TNFAIP8: variants seen among roughly 807,000 people sequenced by gnomAD.
The protein encoded by TNFAIP8 is TNF alpha induced protein 8, also known as tumor necrosis factor alpha-induced protein 8.
TNFAIP8 carries 7 observed loss-of-function variants against 13.3 expected under a neutral mutation model. The ratio of observed to expected loss-of-function variants is 0.52; its 90% CI spans 0.30 to 0.99. The LOEUF is 0.99. TNFAIP8 is among the 50% of genes least tolerant of loss of function. TNFAIP8 has a pLI of 0.07. For missense variants in TNFAIP8, 258 were observed against 236.9 expected (o/e 1.09, Z -0.58); for synonymous variants, 94 against 87.6 (o/e 1.07, Z -0.41).
At position 119,308,645 on chromosome 5, in the gene TNFAIP8, A is replaced by T. The variant is rs932607967; in HGVS notation, c.1+39738A>T. Among the ~76,000 whole-genome samples the T allele has an allele frequency of 1.2e-4, 18 of 151,724 alleles. 1 individual carries two copies. The highest frequency in any genetic ancestry group is 2.9e-4 in the African/African-American group (12 of 41,268). On this transcript the variant is annotated intron_variant, in intron 1 of 1. Coordinates refer to the TNFAIP8 transcript ENST00000274456. ...TTTGGGAGGCCGAGGCGGGTAGATCACGAGGTCAGGAGTTGAAGACCAGCC... is the reference window on the plus strand; with the variant it reads ...TTTGGGAGGCCGAGGCGGGTAGATCTCGAGGTCAGGAGTTGAAGACCAGCC...
chr5:119,360,630 G>A (rs1006885460), intron 1 of TNFAIP8, among the ~76,000 whole-genome samples: 9 of 152,170 alleles, frequency 5.9e-5, no homozygotes, highest in Admixed American at 5.2e-4. Flanking sequence ...GGCCCAGCAA[G>A]GTGATTGCCA....
rs117285896 is a variant in TNFAIP8, at chr5:119,304,576, C to G, written c.1+35669C>G. Among the ~76,000 whole-genome samples, 169 of 152,302 alleles carry G rather than the reference C, an allele frequency of 1.1e-3. 2 individuals carry two copies. In the East Asian group the frequency reaches 0.031, roughly 28 times the overall value. On this transcript the variant is annotated intron_variant, in intron 1 of 1. Coordinates refer to the TNFAIP8 transcript ENST00000274456. ...CTTAAAACTTGCACCTTAGAATTAC[C>G]TGAATATGATGCCTAGTCCTCACAG...
chr5:119,392,718 TGAG>T, intron 1 of TNFAIP8, 95 bp from the exon 2 acceptor site: 2 of 1,325,980 alleles, frequency 1.5e-6, no homozygotes, highest in Non-Finnish European at 2.0e-6. Context: ...GGTGGGAAAA[TGAG>T]GAAAAAAAGT....
intron 1 of TNFAIP8, among the ~76,000 whole-genome samples, chr5:119,374,140 G>A (rs941691441): frequency 2.0e-5 from 3 of 151,832 alleles, no homozygotes; most frequent in African/African-American, 4.8e-5. Context: ...TAAAATACAG[G>A]TAGCGTATCG....
chr5:119,269,453 T>C (rs1175849924), intron 1 of TNFAIP8, among the ~76,000 whole-genome samples: 1 of 151,746 alleles, frequency 6.6e-6, no homozygotes, highest in Non-Finnish European at 1.5e-5. Flanking sequence ...TGTGTGTGTA[T>C]GTGTGTGTGT....
intron 1 of TNFAIP8, among the ~76,000 whole-genome samples, chr5:119,379,088 G>A (rs1388527215): frequency 2.0e-5 from 3 of 152,256 alleles, no homozygotes; most frequent in Admixed American, 6.5e-5. Flanking sequence ...ACAAAAGATA[G>A]TTTGTATCCA....
At chr5:119,370,083 GC>G (rs33995878) in intron 1 of TNFAIP8, among the ~76,000 whole-genome samples, 1,773 of 152,226 alleles carry the variant, frequency 0.012, 33 homozygotes, top group African/African-American at 0.039. Flanking sequence ...TGTTTGAAAT[GC>G]CTGCTTTTCT....
At chr5:119,372,063 G>C (rs1752095970) in intron 1 of TNFAIP8, among the ~76,000 whole-genome samples, 1 of 151,972 alleles carries the variant, frequency 6.6e-6, no homozygotes. Context: ...CGTGAACCCG[G>C]GAGGCGGAGC....
At chr5:119,301,909 G>A (rs779767530) in intron 1 of TNFAIP8, among the ~76,000 whole-genome samples, 5 of 152,164 alleles carry the variant, frequency 3.3e-5, no homozygotes, top group Non-Finnish European at 7.4e-5. Context: ...TATTGGGGAA[G>A]ATATGGGAGA....
At chr5:119,317,813 G>A (rs547572901) in intron 1 of TNFAIP8, among the ~76,000 whole-genome samples, 165 of 152,152 alleles carry the variant, frequency 1.1e-3, no homozygotes, top group Non-Finnish European at 2.1e-3. Flanking sequence ...GGCCAGGCTG[G>A]TCTTGAACTC....
At chr5:119,384,391 G>A (rs1752595473) in intron 1 of TNFAIP8, among the ~76,000 whole-genome samples, 2 of 152,142 alleles carry the variant, frequency 1.3e-5, no homozygotes. Context: ...ACTGAGGCAG[G>A]ACAGTTGCTT....
At chr5:119,307,136 A>C (rs913119440) in intron 1 of TNFAIP8, among the ~76,000 whole-genome samples, 1 of 152,202 alleles carries the variant, frequency 6.6e-6, no homozygotes, top group Non-Finnish European at 1.5e-5. Flanking sequence ...ACATCAGTTC[A>C]TATTAGGAAG....
In TNFAIP8 at chr5:119,393,215, A is replaced by G. The variant is rs370584388; in HGVS notation, c.431A>G (p.Gln144Arg). ...ECREMLHQII[Q>R]RHLTAKSHGR... ...AGAGAGATGCTGCACCAAATCATTC[A>G]GCGCCACCTCACTGCCAAGTCACAT... Residue 144 changes from glutamine to arginine, a missense_variant, in exon 2 of 2, where the codon CAG (glutamine) becomes CGG (arginine). Coordinates refer to ENST00000504771, the MANE Select transcript of TNFAIP8 (RefSeq NM_014350.4). 9 of 1,613,924 alleles carry G rather than the reference A, an allele frequency of 5.6e-6. No individual in the cohort carries two copies. The highest frequency in any genetic ancestry group is 7.6e-6 in the Non-Finnish European group (9 of 1,179,898).
rs1157046535 is a variant in TNFAIP8, at chr5:119,366,457, C to A, written c.31+10336C>A. ...TTCCAACTGCTAAATTGGGGCCAGT[C>A]GGAAGCCAGGGCAGTGTTATGTTGG... On this transcript the variant is annotated intron_variant, in intron 1 of 1. Coordinates refer to ENST00000504771, the MANE Select transcript of TNFAIP8 (RefSeq NM_014350.4). Among the ~76,000 whole-genome samples, 3 of 152,122 alleles carry A rather than the reference C, an allele frequency of 2.0e-5. No individual in the cohort carries two copies. The South Asian group carries it at 6.2e-4, about 31-fold the overall frequency.
chr5:119,369,041 T>A (rs1331918190), intron 1 of TNFAIP8, among the ~76,000 whole-genome samples: 1 of 148,368 alleles, frequency 6.7e-6, no homozygotes, highest in Non-Finnish European at 1.5e-5. Flanking sequence ...CCAAACTTTC[T>A]TTTCTTTTCT....
At chr5:119,365,217 C>A (rs111365335) in intron 1 of TNFAIP8, among the ~76,000 whole-genome samples, 1 of 152,028 alleles carries the variant, frequency 6.6e-6, no homozygotes, top group South Asian at 2.1e-4. Flanking sequence ...TTTTTTTCTT[C>A]CTGTGACAGG....
At chr5:119,362,611 C>G (rs1180461463) in intron 1 of TNFAIP8, among the ~76,000 whole-genome samples, 2 of 144,060 alleles carry the variant, frequency 1.4e-5, no homozygotes. Flanking sequence ...GCCTGGGCAA[C>G]AAAGTGAGAC....
chr5:119,271,602 G>A (rs1257199745), intron 1 of TNFAIP8, among the ~76,000 whole-genome samples: 1 of 152,190 alleles, frequency 6.6e-6, no homozygotes, highest in Non-Finnish European at 1.5e-5. Flanking sequence ...TTTTCACAGA[G>A]GGGAAGGGCA....
intron 1 of TNFAIP8, among the ~76,000 whole-genome samples, chr5:119,377,633 C>G (rs966847473): frequency 6.6e-6 from 1 of 152,122 alleles, no homozygotes; most frequent in African/African-American, 2.4e-5. Context: ...TCAAATGTAG[C>G]TTCCTGAAGT....
Sources: gnomAD v4.1 joint callset for allele counts (sites outside exome capture counted in the v4.1 genomes callset) on GRCh38, gnomAD v4.1.1 for gene constraint, MANE v1.5 for transcripts, NCBI Gene and HGNC (gene_info 2026-07-23, HGNC 2026-07-21) for gene names.